SGIP1: variants seen among roughly 807,000 people sequenced by gnomAD.
SGIP1 encodes SH3-containing GRB2-like protein 3-interacting protein 1.
Under a neutral mutation model 107.5 loss-of-function variants are expected in SGIP1, and 38 were observed. That is an observed-to-expected ratio of 0.35 (90% CI 0.27 to 0.46). SGIP1 has a LOEUF of 0.46. Ranked by LOEUF, SGIP1 falls within the 20% of genes least tolerant of loss-of-function variation. The pLI is 1.00. For missense variants in SGIP1, 929 were observed against 1,019.5 expected (o/e 0.91, Z 1.21); for synonymous variants, 365 against 366.1 (o/e 1.00, Z 0.03).
intron 1 of SGIP1, among the ~76,000 whole-genome samples, chr1:66,603,720 AG>A (rs1461096282): frequency 6.6e-6 from 1 of 152,208 alleles, no homozygotes; most frequent in Non-Finnish European, 1.5e-5. Flanking sequence ...TAAATTAGTT[AG>A]AAAAAGAGAC....
At position 66,659,991 on chromosome 1, in the gene SGIP1, A is replaced by ACAGG. The variant is rs770826859; in HGVS notation, c.460-522_460-521insCAGG. 2.5e-4 allele frequency: 22 copies of ACAGG among 89,424 alleles called. 1 individual carries two copies. The highest frequency in any genetic ancestry group is 4.4e-3 in the Middle Eastern group (1 of 228). The allele number at this position is 89,424 out of a possible 1,614,324, so 5.5% of individuals were successfully genotyped here. On this transcript the variant is annotated intron_variant, in intron 7 of 24. Transcript: ENST00000371037. The stretch of plus-strand genomic sequence containing the variant: ...GAAAGAAAGAAAGAAAGAAAGAAAG[A>ACAGG]AAGAAAGACAGACAGACAGACAGAC...
chr1:66,589,274 G>A (rs1242527589), intron 1 of SGIP1, among the ~76,000 whole-genome samples: 1 of 132,708 alleles, frequency 7.5e-6, no homozygotes, highest in African/African-American at 2.7e-5. Flanking sequence ...TGACTTAAAT[G>A]GAAAAAGAAT....
At chr1:66,587,712 T>C (rs577757202) in intron 1 of SGIP1, among the ~76,000 whole-genome samples, 2 of 152,288 alleles carry the variant, frequency 1.3e-5, no homozygotes, top group Admixed American at 6.5e-5. Flanking sequence ...GGGAGTCATC[T>C]TTCTGATAGT....
At chr1:66,667,866 G>T (rs1008004642) in intron 9 of SGIP1, among the ~76,000 whole-genome samples, 1 of 152,082 alleles carries the variant, frequency 6.6e-6, no homozygotes, top group Non-Finnish European at 1.5e-5. Context: ...TCACCAGAAA[G>T]TACCATAGAA....
chr1:66,703,430 T>C (rs2092171427), intron 18 of SGIP1, among the ~76,000 whole-genome samples: 2 of 152,104 alleles, frequency 1.3e-5, no homozygotes, highest in African/African-American at 4.8e-5. Context: ...ATGTAAATGT[T>C]AACCTAAGGT....
At chr1:66,698,550 T>G (rs1195427823) in intron 18 of SGIP1, among the ~76,000 whole-genome samples, 2 of 152,068 alleles carry the variant, frequency 1.3e-5, no homozygotes, top group African/African-American at 4.8e-5. Flanking sequence ...GGCTAATTTT[T>G]TGTATTTTTA....
chr1:66,697,641 G>T (rs1346845548), intron 18 of SGIP1, among the ~76,000 whole-genome samples: 2 of 152,270 alleles, frequency 1.3e-5, no homozygotes, highest in African/African-American at 2.4e-5. Context: ...CTTGCTATCT[G>T]AGCAAAAACG....
Position 66,733,598 on chromosome 1 carries a change from A to G in SGIP1, c.1899-150A>G, listed in dbSNP as rs1572389718. Reference sequence around the variant, plus strand: ...CATTCAGAACTGTATTTGTATGAAAACCACACTACTGTTAATAGATTCATA... The same window carrying G: ...CATTCAGAACTGTATTTGTATGAAAGCCACACTACTGTTAATAGATTCATA... On this transcript the variant is annotated intron_variant, in intron 20 of 24. Transcript: ENST00000371037. 8.0e-6 allele frequency: 6 copies of G among 747,824 alleles called. No homozygotes were observed. The East Asian group carries it at 1.4e-4, about 18-fold the overall frequency. 46.3% of individuals were successfully genotyped at this position (747,824 alleles called of 1,614,324 possible). A position where few individuals can be genotyped will look rare whatever the true frequency, so the allele number is the denominator to read the frequency against.
In SGIP1 at chr1:66,626,686, C is replaced by T. The variant is rs1015617738; in HGVS notation, c.74+776C>T. ...ACTTATATATGTGAAGTCCACTGGC[C>T]GGGAACTTGAGACTCCAGCCCAAGA... On this transcript the variant is annotated intron_variant, in intron 2 of 24. Transcript: ENST00000371037. 8.5e-5 allele frequency among the ~76,000 whole-genome samples: 13 copies of T among 152,234 alleles called. No individual in the cohort carries two copies. In the South Asian group the frequency reaches 1.0e-3, roughly 12 times the overall value.
In SGIP1 at chr1:66,746,183, G is replaced by T. The variant is rs978143347; in HGVS notation, c.*3088G>T. The T allele has an allele frequency of 1.5e-4, 23 of 152,188 alleles. No individual in the cohort carries two copies. The highest frequency in any genetic ancestry group is 5.5e-4 in the African/African-American group (23 of 41,540). 9.4% of individuals were successfully genotyped at this position (152,188 alleles called of 1,614,324 possible). ...AAAAGCAGATAACTATAATACCTTGGCTCTGCCACTGACTCCTGCCGTATG... is the reference window on the plus strand; with the variant it reads ...AAAAGCAGATAACTATAATACCTTGTCTCTGCCACTGACTCCTGCCGTATG... On this transcript the variant is annotated 3_prime_UTR_variant, in exon 25 of 25. Coordinates refer to ENST00000371037, the MANE Select transcript of SGIP1 (RefSeq NM_032291.4).
At chr1:66,595,360 C>A (rs2064432580) in intron 1 of SGIP1, among the ~76,000 whole-genome samples, 1 of 152,168 alleles carries the variant, frequency 6.6e-6, no homozygotes, top group Admixed American at 6.5e-5. Context: ...GCAGCCACTA[C>A]CAATGGCTCA....
intron 1 of SGIP1, among the ~76,000 whole-genome samples, chr1:66,555,928 G>A (rs1404735860): frequency 6.6e-6 from 1 of 152,102 alleles, no homozygotes; most frequent in Non-Finnish European, 1.5e-5. Context: ...ACTTGCTTAA[G>A]TTAAGAAAGC....
intron 2 of SGIP1, among the ~76,000 whole-genome samples, chr1:66,630,849 A>AGAGAGAGAGAGAG (rs1558133224): frequency 3.4e-5 from 1 of 29,308 alleles, no homozygotes; most frequent in Non-Finnish European, 5.9e-5. Flanking sequence ...GAAAGAAAGA[A>AGAGAGAGAGAGAG]AGAAAGAAAG....
intron 9 of SGIP1, among the ~76,000 whole-genome samples, chr1:66,667,932 C>A (rs2149800450): frequency 6.6e-6 from 1 of 152,254 alleles, no homozygotes; most frequent in East Asian, 1.9e-4. Context: ...GTAAGGACAT[C>A]ATTTTTAAGC....
At chr1:66,721,647 G>C (rs920233993) in intron 19 of SGIP1, among the ~76,000 whole-genome samples, 2 of 152,090 alleles carry the variant, frequency 1.3e-5, no homozygotes, top group African/African-American at 4.8e-5. Flanking sequence ...GGGCTCAAAT[G>C]ATCTGCCCAC....
intron 15 of SGIP1, chr1:66,684,036 A>C: frequency 6.5e-7 from 1 of 1,538,714 alleles, no homozygotes; most frequent in Non-Finnish European, 8.8e-7. Flanking sequence ...TTTTGGCCCT[A>C]AATGCTTTTT....
At chr1:66,703,094 A>C (rs1441770025) in intron 18 of SGIP1, among the ~76,000 whole-genome samples, 1 of 152,186 alleles carries the variant, frequency 6.6e-6, no homozygotes, top group Non-Finnish European at 1.5e-5. Flanking sequence ...AAGTTAAAGA[A>C]TATTCACTCA....
intron 18 of SGIP1, among the ~76,000 whole-genome samples, chr1:66,701,139 A>C (rs1188296329): frequency 6.6e-6 from 1 of 152,230 alleles, no homozygotes; most frequent in Non-Finnish European, 1.5e-5. Context: ...ACATAGCAAT[A>C]AAGTAAGAAA....
At chr1:66,697,803 G>A (rs998031458) in intron 18 of SGIP1, among the ~76,000 whole-genome samples, 3 of 152,098 alleles carry the variant, frequency 2.0e-5, no homozygotes, top group Non-Finnish European at 4.4e-5. Flanking sequence ...TACCTCGAGA[G>A]TAGTGCCCCC....
Sources: allele counts gnomAD v4.1 joint callset (sites outside exome capture counted in the v4.1 genomes callset), GRCh38; gene constraint gnomAD v4.1.1; transcripts MANE v1.5; gene names NCBI Gene and HGNC (gene_info 2026-07-23, HGNC 2026-07-21).